Variants in GRAMD2B observed in about 807,000 individuals in gnomAD.
The protein encoded by GRAMD2B is GRAM domain-containing protein 2B.
GRAMD2B carries 41 observed loss-of-function variants against 59.2 expected under a neutral mutation model. The observed-to-expected ratio is 0.69, with a 90% CI of 0.54 to 0.90. GRAMD2B has a LOEUF of 0.90. GRAMD2B is among the 40% of genes least tolerant of loss of function. The pLI, the probability that GRAMD2B is intolerant of heterozygous loss-of-function variation, is 0.00. For synonymous variants in GRAMD2B, 161 were observed against 182.7 expected (o/e 0.88, Z 0.96); for missense variants, 424 against 500.5 (o/e 0.85, Z 1.46).
chr5:126,419,384 T>C (rs773672237), upstream of GRAMD2B, among the ~76,000 whole-genome samples: 24 of 151,884 alleles, frequency 1.6e-4, no homozygotes, highest in Admixed American at 5.9e-4. Context: ...AACAACCAGA[T>C]CTCATGAGAA....
rs1771534354 is a variant in GRAMD2B at position 126,480,629 on chromosome 5, T to C, written c.657T>C (p.Asn219=). Residue 219 remains asparagine, a splice_region_variant and synonymous_variant, in exon 8 of 14, where the codon AAT becomes AAC. Coordinates refer to ENST00000285689, the MANE Select transcript of GRAMD2B (RefSeq NM_023927.4). ...LLKSVCGHLE[N]TSVGNSPNPS... The stretch of plus-strand genomic sequence containing the variant: ...TCGTTTTGTTCCAATAATTTCAGAA[T>C]ACAAGTGTTGGTAACAGTCCCAATC... 3 of 1,613,900 alleles carry C rather than the reference T, an allele frequency of 1.9e-6. No homozygotes were observed. The highest frequency in any genetic ancestry group is 1.7e-6 in the Non-Finnish European group (2 of 1,179,864).
intron 1 of GRAMD2B, among the ~76,000 whole-genome samples, chr5:126,402,714 G>C (rs915710740): frequency 5.3e-5 from 8 of 151,846 alleles, no homozygotes; most frequent in Admixed American, 3.9e-4. Flanking sequence ...TCACTTTGTG[G>C]GAATAGTCTT....
chr5:126,484,981 C>T lies in GRAMD2B; in HGVS notation c.970+457C>T, dbSNP rs375678464. ...CATATTAATTCACTTATTCTTTTAG[C>T]AAACAGTACCCAGTTCCGTGCTTAC... On this transcript the variant is annotated intron_variant, in intron 10 of 13. Transcript: ENST00000285689. 1.5e-4 allele frequency among the ~76,000 whole-genome samples: 23 copies of T among 152,286 alleles called. No individual in the cohort carries two copies. The East Asian group carries it at 2.7e-3, about 18-fold the overall frequency.
upstream of GRAMD2B, chr5:126,371,200 A>G (rs1754731974): frequency 7.0e-6 from 4 of 573,276 alleles, no homozygotes; most frequent in Non-Finnish European, 9.0e-6. Flanking sequence ...GAATTTCCCA[A>G]ACACATTTAT....
intron 2 of GRAMD2B, among the ~76,000 whole-genome samples, chr5:126,469,106 T>C (rs1010837824): frequency 6.6e-6 from 1 of 152,228 alleles, no homozygotes; most frequent in African/African-American, 2.4e-5. Context: ...TAAAATAGTT[T>C]CGTTTTAAAA....
rs1193850503 is a variant in GRAMD2B at position 126,429,965 on chromosome 5, T to C, written c.83+6276T>C. On this transcript the variant is annotated intron_variant, in intron 1 of 13. Transcript: ENST00000285689. ...GATTCCACATTCTGCTTCCTGGCAC[T>C]GAGCTTTTTACTCATGGACTCTCAG... Among the ~76,000 whole-genome samples, 3 of 152,368 alleles carry C rather than the reference T, an allele frequency of 2.0e-5. No individual in the cohort carries two copies. In the East Asian group the frequency reaches 5.8e-4, roughly 29 times the overall value.
intron 1 of GRAMD2B, among the ~76,000 whole-genome samples, chr5:126,411,912 G>A (rs1438565556): frequency 6.6e-6 from 1 of 150,904 alleles, no homozygotes; most frequent in African/African-American, 2.4e-5. Flanking sequence ...CTCTCAACTT[G>A]AACATCATTT....
intron 1 of GRAMD2B, among the ~76,000 whole-genome samples, chr5:126,464,345 G>T (rs1282678378): frequency 1.3e-5 from 2 of 152,192 alleles, no homozygotes. Flanking sequence ...CACATCCTCA[G>T]AAGTATCGTT....
chr5:126,481,036 G>A (rs1353229214), intron 8 of GRAMD2B: 2 of 326,426 alleles, frequency 6.1e-6, no homozygotes, highest in Non-Finnish European at 1.1e-5. Context: ...TCTATTTGAG[G>A]TAGGACTGAA....
chr5:126,452,254 CCT>C (rs1321792304), intron 1 of GRAMD2B, among the ~76,000 whole-genome samples: 1 of 152,064 alleles, frequency 6.6e-6, no homozygotes, highest in Non-Finnish European at 1.5e-5. Context: ...TTTGTTGGAT[CCT>C]CATGTGGTGG....
chr5:126,492,107 G>A (rs559236699), intron 13 of GRAMD2B, among the ~76,000 whole-genome samples: 22 of 152,322 alleles, frequency 1.4e-4, no homozygotes, highest in Middle Eastern at 3.4e-3. Context: ...CATCGGACCC[G>A]TCTTAAGATC....
chr5:126,435,224 G>C (rs1381102175), intron 1 of GRAMD2B, among the ~76,000 whole-genome samples: 2 of 152,162 alleles, frequency 1.3e-5, no homozygotes, highest in Non-Finnish European at 2.9e-5. Context: ...CATGTGATAA[G>C]AATTTCACAG....
chr5:126,489,620 C>G (rs927520167), intron 13 of GRAMD2B, among the ~76,000 whole-genome samples: 2 of 152,172 alleles, frequency 1.3e-5, no homozygotes, highest in African/African-American at 2.4e-5. Flanking sequence ...CCAAACAACG[C>G]TAGGGCAAAA....
chr5:126,404,090 G>T (rs1018639744), intron 1 of GRAMD2B, among the ~76,000 whole-genome samples: 3 of 151,850 alleles, frequency 2.0e-5, no homozygotes, highest in Non-Finnish European at 4.4e-5. Context: ...AACAATTGTG[G>T]TGCTATGGAA....
At chr5:126,488,918 G>A in intron 13 of GRAMD2B, 26 bp downstream of exon 13, 2 of 1,554,922 alleles carry the variant, frequency 1.3e-6, no homozygotes, top group South Asian at 1.1e-5. Context: ...CCTGTGTATG[G>A]GGGCAGTCAC....
At chr5:126,455,947 T>C (rs12655121) in intron 1 of GRAMD2B, among the ~76,000 whole-genome samples, 47,826 of 152,042 alleles carry the variant, frequency 0.31, 7,929 homozygotes, top group East Asian at 0.6. Flanking sequence ...GTTTATGTAC[T>C]GAACTTAAGT....
At chr5:126,361,688 G>C (rs185711534) in intron 1 of GRAMD2B, among the ~76,000 whole-genome samples, 3 of 152,076 alleles carry the variant, frequency 2.0e-5, no homozygotes, top group Admixed American at 2.0e-4. Flanking sequence ...TGCAGTTCTC[G>C]TGATGGCCCA....
chr5:126,400,355 CACAT>C (rs1420924898), intron 1 of GRAMD2B, among the ~76,000 whole-genome samples: 2 of 152,110 alleles, frequency 1.3e-5, no homozygotes, highest in African/African-American at 2.4e-5. Context: ...TTATTTCTCA[CACAT>C]ACAGTTTATG....
intron 9 of GRAMD2B, 49 bp downstream of exon 9, chr5:126,483,623 A>C (rs774167273): frequency 1.0e-5 from 10 of 961,702 alleles, no homozygotes; most frequent in Non-Finnish European, 1.6e-5. Flanking sequence ...CCCTCAAAAC[A>C]TCCTCACCCC....
Sources: gnomAD v4.1 joint callset for allele counts (sites outside exome capture counted in the v4.1 genomes callset) on GRCh38, gnomAD v4.1.1 for gene constraint, MANE v1.5 for transcripts, NCBI Gene and HGNC (gene_info 2026-07-23, HGNC 2026-07-21) for gene names.